TMCC3: variants seen among roughly 807,000 people sequenced by gnomAD.
TMCC3 encodes transmembrane and coiled-coil domain family 3.
In TMCC3, 28 loss-of-function variants were observed where a neutral mutation model predicts 40.2. The ratio of observed to expected loss-of-function variants is 0.70; its 90% CI spans 0.52 to 0.95. The LOEUF (loss-of-function observed/expected upper bound fraction) is 0.95, where lower values mean the gene tolerates loss of function less well. Among genes scored for constraint, TMCC3 ranks in the 40% least tolerant of loss-of-function variants. The probability of loss-of-function intolerance (pLI) is 0.00; values close to 1 mark genes in which losing one functional copy is unlikely to be tolerated. For missense variants in TMCC3, 554 were observed against 615.2 expected, an observed-to-expected ratio of 0.90 and a Z score of 1.05; for synonymous variants, 255 against 248.5, an observed-to-expected ratio of 1.03 and a Z score of -0.25.
chr12:94,628,562 G>A (rs1230556446), intron 1 of TMCC3, among the ~76,000 whole-genome samples: 1 of 152,214 alleles, frequency 6.6e-6, no homozygotes, highest in Non-Finnish European at 1.5e-5. Flanking sequence ...GCTATTCTAA[G>A]CATCGCAGTG....
chr12:94,580,627 C>T (rs933138333), intron 2 of TMCC3, among the ~76,000 whole-genome samples: 29 of 152,124 alleles, frequency 1.9e-4, no homozygotes, highest in African/African-American at 6.7e-4. Flanking sequence ...CCCAGCTACT[C>T]GGGAGGCTTA....
intron 1 of TMCC3, among the ~76,000 whole-genome samples, chr12:94,597,062 T>C (rs894643053): frequency 1.1e-4 from 15 of 139,350 alleles, no homozygotes; most frequent in African/African-American, 3.7e-4. Flanking sequence ...GGAGGATCAC[T>C]GGAGCCCAGG....
chr12:94,619,509 G>A (rs2068864217), intron 1 of TMCC3, among the ~76,000 whole-genome samples: 1 of 152,164 alleles, frequency 6.6e-6, no homozygotes, highest in African/African-American at 2.4e-5. Flanking sequence ...GTTTCCTGTG[G>A]TTAGTAGACA....
At chr12:94,634,212 T>A (rs916738766) in intron 1 of TMCC3, among the ~76,000 whole-genome samples, 2 of 152,254 alleles carry the variant, frequency 1.3e-5, no homozygotes, top group South Asian at 2.1e-4. Context: ...CCCAAAGTGC[T>A]GGGATTACAG....
chr12:94,640,755 T>C (rs941939314), intron 1 of TMCC3, among the ~76,000 whole-genome samples: 6 of 152,278 alleles, frequency 3.9e-5, no homozygotes, highest in Admixed American at 3.3e-4. Context: ...TAATGGCTGC[T>C]CACAAAGCCG....
At chr12:94,648,375 C>T (rs539171039) in intron 1 of TMCC3, among the ~76,000 whole-genome samples, 3 of 152,204 alleles carry the variant, frequency 2.0e-5, no homozygotes, top group African/African-American at 7.2e-5. Context: ...TACAGGCGCC[C>T]ACCACCACGC....
chr12:94,640,459 C>T (rs1594300296), intron 1 of TMCC3, among the ~76,000 whole-genome samples: 1 of 152,216 alleles, frequency 6.6e-6, no homozygotes, highest in Non-Finnish European at 1.5e-5. Context: ...GCTGGGAATA[C>T]AGGCGTGAGC....
chr12:94,597,445 C>T lies in TMCC3; in HGVS notation c.79-14907G>A, dbSNP rs115265998. On this transcript the variant is annotated intron_variant, in intron 1 of 3. Transcript: ENST00000261226. ...GTGGCAGACAACTCAGGTGCCTCCT[C>T]CTTTGGACACACCCATATGTTCTGA... Among the ~76,000 whole-genome samples, 1,115 of 152,238 alleles carry T rather than the reference C, an allele frequency of 7.3e-3. 14 individuals are homozygous for T. The highest frequency in any genetic ancestry group is 0.025 in the African/African-American group (1,037 of 41,508).
chr12:94,608,349 T>G (rs1320820047), intron 1 of TMCC3, among the ~76,000 whole-genome samples: 1 of 152,232 alleles, frequency 6.6e-6, no homozygotes, highest in Non-Finnish European at 1.5e-5. Context: ...GATATGATGA[T>G]CTGAAAGTCT....
intron 1 of TMCC3, among the ~76,000 whole-genome samples, chr12:94,619,205 C>T (rs1419731018): frequency 6.6e-6 from 1 of 152,192 alleles, no homozygotes; most frequent in Non-Finnish European, 1.5e-5. Context: ...TATTATGATG[C>T]TTCACTCAAA....
chr12:94,602,741 T>A (rs1196030672), intron 1 of TMCC3, among the ~76,000 whole-genome samples: 2 of 152,108 alleles, frequency 1.3e-5, no homozygotes, highest in Non-Finnish European at 2.9e-5. Flanking sequence ...GAGTGCACCA[T>A]CATGCCCAGG....
At chr12:94,646,174 T>C (rs1460818731) in intron 1 of TMCC3, among the ~76,000 whole-genome samples, 1 of 151,790 alleles carries the variant, frequency 6.6e-6, no homozygotes, top group Non-Finnish European at 1.5e-5. Flanking sequence ...GTGACTAAGG[T>C]GGGGGATGAT....
chr12:94,597,068 C>A (rs1303880319), intron 1 of TMCC3, among the ~76,000 whole-genome samples: 2 of 136,014 alleles, frequency 1.5e-5, no homozygotes, highest in Non-Finnish European at 3.2e-5. Context: ...TCACTGGAGC[C>A]CAGGAGTTTG....
At chr12:94,646,979 C>A (rs557922717) in intron 1 of TMCC3, among the ~76,000 whole-genome samples, 1 of 152,006 alleles carries the variant, frequency 6.6e-6, no homozygotes, top group East Asian at 1.9e-4. Context: ...TTTTAGAACA[C>A]TTAAAATGAA....
intron 1 of TMCC3, among the ~76,000 whole-genome samples, chr12:94,597,180 G>A (rs2068722890): frequency 1.4e-5 from 2 of 142,224 alleles, no homozygotes. Flanking sequence ...AGCCAGGCCT[G>A]CTGGCGTGCC....
intron 1 of TMCC3, among the ~76,000 whole-genome samples, chr12:94,585,949 G>A (rs1464319281): frequency 6.6e-6 from 1 of 152,188 alleles, no homozygotes; most frequent in South Asian, 2.1e-4. Context: ...GTCAATAAAT[G>A]TTTGTCTACT....
intron 1 of TMCC3, chr12:94,598,883 A>AC: frequency 1.6e-6 from 1 of 642,626 alleles, no homozygotes; most frequent in Non-Finnish European, 1.9e-6. Context: ...CTTAGAACCT[A>AC]AGTCTGTATT....
chr12:94,577,125 C>T (rs773632836), intron 3 of TMCC3, among the ~76,000 whole-genome samples: 3 of 152,158 alleles, frequency 2.0e-5, no homozygotes, highest in Non-Finnish European at 4.4e-5. Flanking sequence ...TAGTATTGAG[C>T]ACACAGTATG....
intron 1 of TMCC3, among the ~76,000 whole-genome samples, chr12:94,620,202 T>G (rs978669556): frequency 6.6e-6 from 1 of 151,610 alleles, no homozygotes; most frequent in East Asian, 1.9e-4. Context: ...CATTGCTATC[T>G]CTGGGGAAAA....
Sources: allele counts gnomAD v4.1 joint callset (sites outside exome capture counted in the v4.1 genomes callset), GRCh38; gene constraint gnomAD v4.1.1; transcripts MANE v1.5; gene names NCBI Gene and HGNC (gene_info 2026-07-23, HGNC 2026-07-21).